The following IL1RAPL1 variants were observed in gnomAD, a reference collection of about 807,000 sequenced individuals.
The protein encoded by IL1RAPL1 is interleukin 1 receptor accessory protein like 1.
Under a neutral mutation model 48.4 loss-of-function variants are expected in IL1RAPL1, and 3 were observed. That is an observed-to-expected ratio of 0.06 (90% CI 0.03 to 0.16). IL1RAPL1 has a LOEUF of 0.16. IL1RAPL1 is among the 10% of genes least tolerant of loss of function. IL1RAPL1 has a pLI of 1.00. For synonymous variants in IL1RAPL1, 185 were observed against 187.7 expected (o/e 0.99, Z 0.12); for missense variants, 349 against 530.6 (o/e 0.66, Z 3.36).
chrX:29,450,346 T>A (rs1001206594), intron 5 of IL1RAPL1, among the ~76,000 whole-genome samples: 1 of 112,067 alleles, frequency 8.9e-6, no homozygotes, highest in Admixed American at 9.5e-5. Context: ...CAACTATCTG[T>A]AAAGGGCCAG....
At position 28,702,396 on chromosome X, in the gene IL1RAPL1, G is replaced by A. The variant is rs147689108; in HGVS notation, c.-24-86924G>A. On this transcript the variant is annotated intron_variant, in intron 1 of 10. Coordinates refer to ENST00000378993, the MANE Select transcript of IL1RAPL1 (RefSeq NM_014271.4). The stretch of plus-strand genomic sequence containing the variant: ...TACTTAAAACATTTATTACAAAGGT[G>A]TTTTTCAAGGTTATGATGGCACAAT... 9.5e-3 allele frequency among the ~76,000 whole-genome samples: 1,062 copies of A among 111,662 alleles called. 10 individuals are homozygous for A. The highest frequency in any genetic ancestry group is 0.033 in the African/African-American group (1,011 of 30,823).
chrX:29,127,190 C>T (rs1045988299), intron 2 of IL1RAPL1, among the ~76,000 whole-genome samples: 5 of 110,692 alleles, frequency 4.5e-5, no homozygotes, highest in African/African-American at 9.9e-5. Context: ...ATCATCTATA[C>T]TTACTAGATA....
chrX:29,064,863 G>A (rs1278898331), intron 2 of IL1RAPL1, among the ~76,000 whole-genome samples: 1 of 112,153 alleles, frequency 8.9e-6, no homozygotes, highest in Admixed American at 9.4e-5. Flanking sequence ...TTACAGGCGT[G>A]AGCCATTGCG....
intron 2 of IL1RAPL1, among the ~76,000 whole-genome samples, chrX:29,035,166 G>A (rs987903157): frequency 9.0e-6 from 1 of 111,327 alleles, no homozygotes; most frequent in African/African-American, 3.3e-5. Flanking sequence ...TGTTAGCCAG[G>A]TCGATCTCCT....
intron 5 of IL1RAPL1, among the ~76,000 whole-genome samples, chrX:29,667,972 G>A (rs1206398353): frequency 9.0e-6 from 1 of 111,498 alleles, no homozygotes; most frequent in Non-Finnish European, 1.9e-5. Flanking sequence ...TTGAAATGAT[G>A]TGATCTAGGA....
At chrX:29,007,286 G>A (rs1281604371) in intron 2 of IL1RAPL1, among the ~76,000 whole-genome samples, 3 of 111,763 alleles carry the variant, frequency 2.7e-5, no homozygotes, top group Non-Finnish European at 5.6e-5. Flanking sequence ...TCACATACAC[G>A]TTATATATGA....
intron 5 of IL1RAPL1, among the ~76,000 whole-genome samples, chrX:29,568,135 A>C (rs1401391722): frequency 1.0e-5 from 1 of 96,383 alleles, no homozygotes. Context: ...ATCAAGAATA[A>C]CAGATTATTC....
At chrX:29,711,177 T>C (rs1265222208) in intron 6 of IL1RAPL1, among the ~76,000 whole-genome samples, 1 of 99,551 alleles carries the variant, frequency 1.0e-5, no homozygotes, top group African/African-American at 4.0e-5. Flanking sequence ...TCAGGTCCTT[T>C]TTTTTTCTTT....
At chrX:29,359,095 A>G in intron 3 of IL1RAPL1, among the ~76,000 whole-genome samples, 1 of 111,818 alleles carries the variant, frequency 8.9e-6, no homozygotes, top group Non-Finnish European at 1.9e-5. Context: ...CCAAAAGTTT[A>G]TTTTAGCAAA....
intron 5 of IL1RAPL1, among the ~76,000 whole-genome samples, chrX:29,642,978 C>T (rs753887585): frequency 1.8e-5 from 2 of 111,996 alleles, no homozygotes; most frequent in Admixed American, 9.5e-5. Flanking sequence ...TTATCAGACT[C>T]GACAAATATT....
chrX:28,813,965 A>C (rs1936824658), intron 2 of IL1RAPL1, among the ~76,000 whole-genome samples: 1 of 110,704 alleles, frequency 9.0e-6, no homozygotes, highest in Non-Finnish European at 1.9e-5. Flanking sequence ...TCCCGAGTGA[A>C]TCAGGACCCA....
At chrX:28,985,590 G>A (rs1411539418) in intron 2 of IL1RAPL1, among the ~76,000 whole-genome samples, 3 of 111,751 alleles carry the variant, frequency 2.7e-5, no homozygotes, top group South Asian at 3.7e-4. Flanking sequence ...AGCTTATTCC[G>A]TGTAGGTGCT....
intron 5 of IL1RAPL1, among the ~76,000 whole-genome samples, chrX:29,450,513 G>T (rs1185598684): frequency 2.7e-5 from 3 of 111,549 alleles, no homozygotes; most frequent in Non-Finnish European, 5.7e-5. Flanking sequence ...CAAAGAGCCA[G>T]ATTTTGCCCC....
intron 2 of IL1RAPL1, among the ~76,000 whole-genome samples, chrX:29,082,255 T>A (rs188506170): frequency 7.1e-5 from 8 of 112,478 alleles, no homozygotes; most frequent in Non-Finnish European, 1.1e-4. Context: ...GAAGGTTACT[T>A]GTAAATAATG....
chrX:29,574,731 T>C (rs1324107312), intron 5 of IL1RAPL1, among the ~76,000 whole-genome samples: 1 of 111,771 alleles, frequency 8.9e-6, no homozygotes, highest in African/African-American at 3.3e-5. Context: ...GCTACCCTTT[T>C]AAATATAAGT....
chrX:29,372,889 G>T (rs1454983821), intron 3 of IL1RAPL1, among the ~76,000 whole-genome samples: 1 of 107,295 alleles, frequency 9.3e-6, no homozygotes, highest in African/African-American at 3.4e-5. Context: ...TTTTGCTTAG[G>T]ATTGCTTTAG....
chrX:29,381,791 G>A (rs183035575), intron 3 of IL1RAPL1, among the ~76,000 whole-genome samples: 255 of 88,597 alleles, frequency 2.9e-3, no homozygotes, highest in Non-Finnish European at 4.7e-3. Flanking sequence ...ACTCTGGCCT[G>A]GGTGACAGAG....
chrX:29,290,407 A>T (rs1932352431), intron 3 of IL1RAPL1, among the ~76,000 whole-genome samples: 2 of 112,152 alleles, frequency 1.8e-5, no homozygotes, highest in Admixed American at 1.9e-4. Context: ...TCACAGATTA[A>T]GGCATGAATT....
intron 2 of IL1RAPL1, among the ~76,000 whole-genome samples, chrX:28,847,447 C>T (rs779049701): frequency 9.0e-6 from 1 of 111,525 alleles, no homozygotes; most frequent in Admixed American, 9.6e-5. Context: ...CTCTATTCAG[C>T]CTCTACTTAT....
Sources: gnomAD v4.1 joint callset for allele counts (sites outside exome capture counted in the v4.1 genomes callset) on GRCh38, gnomAD v4.1.1 for gene constraint, MANE v1.5 for transcripts, NCBI Gene and HGNC (gene_info 2026-07-23, HGNC 2026-07-21) for gene names.